Variants in AGBL4 observed in about 807,000 individuals in gnomAD.
AGBL4 encodes the protein AGBL carboxypeptidase 4.
A neutral mutation model predicts 66.4 loss-of-function variants in AGBL4; 58 were observed. The observed-to-expected ratio is 0.87, with a 90% CI of 0.71 to 1.09. The LOEUF is 1.09. Among genes scored for constraint, AGBL4 ranks in the 50% least tolerant of loss-of-function variants. The probability of loss-of-function intolerance (pLI) is 0.00; values close to 1 mark genes in which losing one functional copy is unlikely to be tolerated. For missense variants in AGBL4, 579 were observed against 631.0 expected (o/e 0.92, Z 0.88); for synonymous variants, 234 against 222.9 (o/e 1.05, Z -0.44).
intron 1 of AGBL4, among the ~76,000 whole-genome samples, chr1:49,983,167 G>A (rs527665977): frequency 6.6e-5 from 10 of 152,280 alleles, no homozygotes; most frequent in South Asian, 2.1e-4. Flanking sequence ...CCCCTTACTC[G>A]CCATGTTGCA....
chr1:48,555,586 TG>T (rs1346124619), intron 11 of AGBL4, among the ~76,000 whole-genome samples: 1 of 152,202 alleles, frequency 6.6e-6, no homozygotes, highest in Non-Finnish European at 1.5e-5. Context: ...TGTGATGTTA[TG>T]AGTATGAACT....
At chr1:49,350,209 GT>G (rs1378236184) in intron 3 of AGBL4, among the ~76,000 whole-genome samples, 28 of 136,238 alleles carry the variant, frequency 2.1e-4, no homozygotes, top group East Asian at 6.4e-4. Flanking sequence ...GTTTTGTTTT[GT>G]TTTTTTTTTT....
intron 6 of AGBL4, among the ~76,000 whole-genome samples, chr1:48,716,074 G>A (rs1166271847): frequency 4.6e-5 from 7 of 152,152 alleles, no homozygotes; most frequent in East Asian, 1.9e-4. Context: ...CAGCAGTCAC[G>A]GGGCATATGG....
chr1:49,067,022 C>A (rs1165323093), intron 4 of AGBL4, among the ~76,000 whole-genome samples: 1 of 152,170 alleles, frequency 6.6e-6, no homozygotes. Context: ...CAGTCCCACC[C>A]CTCCTACCTC....
chr1:50,020,775 G>A (rs1029852851), intron 1 of AGBL4, among the ~76,000 whole-genome samples: 1 of 152,170 alleles, frequency 6.6e-6, no homozygotes, highest in Non-Finnish European at 1.5e-5. Flanking sequence ...GAGTTGTTAT[G>A]AGACTGAAGT....
At chr1:49,268,531 A>T in intron 3 of AGBL4, among the ~76,000 whole-genome samples, 1 of 151,676 alleles carries the variant, frequency 6.6e-6, no homozygotes, top group East Asian at 1.9e-4. Flanking sequence ...TCCTGGGCTC[A>T]AGTGATCCTC....
At chr1:49,126,902 C>T (rs1313048204) in intron 4 of AGBL4, among the ~76,000 whole-genome samples, 1 of 152,088 alleles carries the variant, frequency 6.6e-6, no homozygotes, top group Non-Finnish European at 1.5e-5. Context: ...ACAAACCAAA[C>T]TGAAATCCAG....
intron 3 of AGBL4, among the ~76,000 whole-genome samples, chr1:49,382,557 T>G (rs1238862908): frequency 1.3e-5 from 2 of 152,024 alleles, no homozygotes; most frequent in East Asian, 3.9e-4. Context: ...CTAACATTAT[T>G]CTCAATAGTG....
intron 3 of AGBL4, among the ~76,000 whole-genome samples, chr1:49,696,288 CGTTTTT>C: frequency 6.6e-6 from 1 of 152,076 alleles, no homozygotes; most frequent in East Asian, 1.9e-4. Flanking sequence ...TTCAAGCATA[CGTTTTT>C]AGTTCCCTTT....
intron 4 of AGBL4, among the ~76,000 whole-genome samples, chr1:49,218,922 A>G (rs1213857101): frequency 6.6e-6 from 1 of 152,122 alleles, no homozygotes; most frequent in African/African-American, 2.4e-5. Flanking sequence ...GCCTGCCACC[A>G]TGTAAGCTGT....
chr1:49,777,615 G>C lies in AGBL4; in HGVS notation c.157+73781C>G, dbSNP rs572098161. ...CTCCAAAGTTTATGCATACCATCTT[G>C]AAGTCTTCTGTACCTAGTCAAAAAC... On this transcript the variant is annotated intron_variant, in intron 2 of 13. Coordinates refer to ENST00000371839, the MANE Select transcript of AGBL4 (RefSeq NM_032785.4). Among the ~76,000 whole-genome samples, 18 of 152,260 alleles carry C rather than the reference G, an allele frequency of 1.2e-4. No homozygotes were observed. The South Asian group carries it at 1.7e-3, about 14-fold the overall frequency.
intron 5 of AGBL4, among the ~76,000 whole-genome samples, chr1:48,902,012 T>C (rs1194296323): frequency 1.3e-5 from 2 of 152,102 alleles, no homozygotes; most frequent in Non-Finnish European, 1.5e-5. Context: ...CGAGAGCCTG[T>C]GCAGGGAAAC....
At chr1:49,945,280 T>C (rs1416357975) in intron 1 of AGBL4, among the ~76,000 whole-genome samples, 1 of 151,998 alleles carries the variant, frequency 6.6e-6, no homozygotes, top group Non-Finnish European at 1.5e-5. Flanking sequence ...TATCTAAAGT[T>C]AAGACAAAGG....
intron 4 of AGBL4, among the ~76,000 whole-genome samples, chr1:49,242,122 C>T (rs1205132928): frequency 6.6e-6 from 1 of 151,910 alleles, no homozygotes; most frequent in Non-Finnish European, 1.5e-5. Flanking sequence ...GCACAATGTT[C>T]TCTACATTGT....
chr1:49,328,245 G>A (rs1207497508), intron 3 of AGBL4, among the ~76,000 whole-genome samples: 1 of 152,062 alleles, frequency 6.6e-6, no homozygotes, highest in Non-Finnish European at 1.5e-5. Flanking sequence ...TCATGATTTT[G>A]GTTTCCATTT....
At chr1:49,971,907 G>GTTTTTTTTTCT (rs1658132428) in intron 1 of AGBL4, among the ~76,000 whole-genome samples, 1 of 23,428 alleles carries the variant, frequency 4.3e-5, no homozygotes, top group African/African-American at 1.3e-4. Context: ...GTTTTTTTGG[G>GTTTTTTTTTCT]TTTTTTTTTT....
chr1:49,011,453 C>G (rs1360755035), intron 5 of AGBL4, among the ~76,000 whole-genome samples: 6 of 152,140 alleles, frequency 3.9e-5, no homozygotes, highest in Non-Finnish European at 8.8e-5. Flanking sequence ...CTAGTTCAAC[C>G]ATTGTGCAAG....
chr1:49,960,944 C>T (rs1222318901), intron 1 of AGBL4, among the ~76,000 whole-genome samples: 1 of 151,912 alleles, frequency 6.6e-6, no homozygotes, highest in African/African-American at 2.4e-5. Flanking sequence ...ATCTGTGAGC[C>T]ACACTCAGTA....
intron 3 of AGBL4, among the ~76,000 whole-genome samples, chr1:49,415,021 A>G (rs1645397084): frequency 6.6e-6 from 1 of 152,148 alleles, no homozygotes; most frequent in Non-Finnish European, 1.5e-5. Context: ...CCTGAGGCAT[A>G]GAGAGGAGAA....
Sources: gnomAD v4.1 joint callset for allele counts (sites outside exome capture counted in the v4.1 genomes callset) on GRCh38, gnomAD v4.1.1 for gene constraint, MANE v1.5 for transcripts, NCBI Gene and HGNC (gene_info 2026-07-23, HGNC 2026-07-21) for gene names.